Variants in OCA2 observed in about 807,000 individuals in gnomAD.
OCA2 encodes P protein.
In OCA2, 77 loss-of-function variants were observed where a neutral mutation model predicts 100.2. The ratio of observed to expected loss-of-function variants is 0.77; its 90% confidence interval spans 0.64 to 0.93. The LOEUF (loss-of-function observed/expected upper bound fraction) is 0.93. OCA2 is among the 40% of genes least tolerant of loss of function. The probability of loss-of-function intolerance (pLI) is 0.00; values close to 1 mark genes in which losing one functional copy is unlikely to be tolerated. For missense variants in OCA2, 1,062 were observed against 1,089.1 expected (o/e 0.98, Z 0.35); for synonymous variants, 432 against 439.2 (o/e 0.98, Z 0.21).
chr15:27,772,483 G>A (rs760763956), intron 23 of OCA2, among the ~76,000 whole-genome samples: 2 of 152,122 alleles, frequency 1.3e-5, no homozygotes, highest in Non-Finnish European at 2.9e-5. Context: ...TATCTTCCTG[G>A]CTTAATATAT....
Position 27,802,387 on chromosome 15 carries a change from T to C in OCA2, c.2432+42572A>G, listed in dbSNP as rs551653327. Reference sequence around the variant, plus strand: ...CTAATTCTCCCCCTCTCTCTATTTGTTCTATAGATTCAAAGAAATCCCAAT... The same window carrying C: ...CTAATTCTCCCCCTCTCTCTATTTGCTCTATAGATTCAAAGAAATCCCAAT... On this transcript the variant is annotated intron_variant, in intron 23 of 23. Coordinates refer to ENST00000354638, the MANE Select transcript of OCA2 (RefSeq NM_000275.3). 6.6e-5 allele frequency among the ~76,000 whole-genome samples: 10 copies of C among 152,256 alleles called. No homozygotes were observed. In the East Asian group the frequency reaches 1.9e-3, roughly 29 times the overall value.
At chr15:27,899,519 C>A (rs1415530565) in intron 19 of OCA2, among the ~76,000 whole-genome samples, 2 of 152,170 alleles carry the variant, frequency 1.3e-5, no homozygotes, top group Non-Finnish European at 2.9e-5. Context: ...TAAGGATTTC[C>A]TTTTCTTTCT....
At chr15:27,945,000 G>A (rs945041843) in intron 18 of OCA2, among the ~76,000 whole-genome samples, 3 of 152,268 alleles carry the variant, frequency 2.0e-5, no homozygotes, top group Admixed American at 2.0e-4. Flanking sequence ...GGAGAGCAGC[G>A]ATATGGTTTT....
chr15:27,749,190 TA>T, the OCA2 span, among the ~76,000 whole-genome samples: 2 of 151,852 alleles, frequency 1.3e-5, no homozygotes, highest in Admixed American at 1.3e-4. Context: ...TGAAATTAAA[TA>T]AAAAAAAGAA....
In OCA2 at chr15:27,770,243, C is replaced by T. The variant is rs1209346554; in HGVS notation, c.2433-14771G>A. On this transcript the variant is annotated intron_variant, in intron 23 of 23. Coordinates refer to ENST00000354638, the MANE Select transcript of OCA2 (RefSeq NM_000275.3). ...AGGGAAGGGGCGTTCAGGGCGGGGGCTCCGCGGGGTCCGCAGGCCTCCTGG... is the reference window on the plus strand; with the variant it reads ...AGGGAAGGGGCGTTCAGGGCGGGGGTTCCGCGGGGTCCGCAGGCCTCCTGG... Among the ~76,000 whole-genome samples the T allele has an allele frequency of 2.0e-5, 3 of 152,190 alleles. No individual in the cohort carries two copies. In the East Asian group the frequency reaches 5.8e-4, roughly 29 times the overall value.
At chr15:27,812,104 G>A (rs563463727) in intron 23 of OCA2, among the ~76,000 whole-genome samples, 10 of 152,156 alleles carry the variant, frequency 6.6e-5, no homozygotes, top group Non-Finnish European at 1.3e-4. Context: ...ACTCTGTACC[G>A]ATAATGAAGT....
intron 21 of OCA2, among the ~76,000 whole-genome samples, chr15:27,859,672 G>C (rs777289977): frequency 6.6e-6 from 1 of 152,130 alleles, no homozygotes; most frequent in Non-Finnish European, 1.5e-5. Flanking sequence ...CTCATTCCAT[G>C]AGGCCAGCAT....
the OCA2 span, among the ~76,000 whole-genome samples, chr15:27,740,230 G>A: frequency 1.3e-5 from 2 of 152,200 alleles, no homozygotes; most frequent in Admixed American, 1.3e-4. Context: ...TCTGAGATCT[G>A]TGACCAGCCC....
chr15:27,870,671 GGAAGGAAGGAAA>G (rs1376229955), intron 21 of OCA2, among the ~76,000 whole-genome samples: 1,412 of 17,684 alleles, frequency 0.08, 20 homozygotes, highest in Middle Eastern at 0.31. Context: ...TCGAAAGGAA[GGAAGGAAGGAAA>G]GAAGGAAGGA....
intron 23 of OCA2, among the ~76,000 whole-genome samples, chr15:27,831,112 C>T (rs368831238): frequency 1.3e-5 from 2 of 151,880 alleles, no homozygotes; most frequent in African/African-American, 4.8e-5. Context: ...ACGGTGAAAA[C>T]TCATCTCTAC....
At chr15:27,811,886 C>T (rs548014788) in intron 23 of OCA2, among the ~76,000 whole-genome samples, 238 of 152,304 alleles carry the variant, frequency 1.6e-3, no homozygotes, top group Non-Finnish European at 2.8e-3. Context: ...GGCCCCTGTT[C>T]GCAAGCCCAG....
At position 27,966,684 on chromosome 15, in the gene OCA2, A is replaced by G; in HGVS notation, c.1636+6T>C. On this transcript the variant is annotated splice_donor_region_variant and intron_variant, in intron 15 of 23. Transcript: ENST00000354638. ...TGAGCCTACATGAGGTTGCACTTGT[A>G]CTCACCAACAATCTCACTGGGTTCC... 6.2e-7 allele frequency: 1 copy of G among 1,613,908 alleles called. No homozygotes were observed. The highest frequency in any genetic ancestry group is 1.7e-4 in the Middle Eastern group (1 of 5,926).
chr15:28,019,105 C>A (rs1245909555), intron 6 of OCA2, among the ~76,000 whole-genome samples: 1 of 152,102 alleles, frequency 6.6e-6, no homozygotes, highest in African/African-American at 2.4e-5. Context: ...ACAGTGTTTT[C>A]TCCTCCCCTC....
rs1184358689 is a variant in OCA2 at position 28,027,986 on chromosome 15, AGTCAGCAGAGCT to A, written c.388_399del (p.Ser130_Asp133del). Reference sequence around the variant, plus strand: ...CTGCTTAGCAGGTATCTTCGCTCCCAGTCAGCAGAGCTGTCTTCCCAAGACTCTTCAGCAGTG... The same window carrying A: ...CTGCTTAGCAGGTATCTTCGCTCCCAGTCTTCCCAAGACTCTTCAGCAGTG... On this transcript the variant is annotated inframe_deletion, in exon 4 of 24. Coordinates refer to ENST00000354638, the MANE Select transcript of OCA2 (RefSeq NM_000275.3). 1 of 1,614,220 alleles carries A rather than the reference AGTCAGCAGAGCT, an allele frequency of 6.2e-7. No individual in the cohort carries two copies. The highest frequency in any genetic ancestry group is 1.1e-5 in the South Asian group (1 of 91,082).
At chr15:27,883,478 A>T (rs1296231214) in intron 19 of OCA2, among the ~76,000 whole-genome samples, 2 of 152,232 alleles carry the variant, frequency 1.3e-5, no homozygotes, top group Non-Finnish European at 2.9e-5. Context: ...CTAAAATTTT[A>T]AAATAAATTA....
chr15:28,077,801 G>T (rs2141859144), intron 2 of OCA2, among the ~76,000 whole-genome samples: 1 of 152,334 alleles, frequency 6.6e-6, no homozygotes, highest in East Asian at 1.9e-4. Context: ...GCTGAATTGG[G>T]CCAGAAGCGG....
intron 2 of OCA2, among the ~76,000 whole-genome samples, chr15:28,070,450 G>GC (rs1181157593): frequency 3.3e-5 from 4 of 121,820 alleles, no homozygotes; most frequent in Admixed American, 7.5e-5. Context: ...GGGGGGGTCA[G>GC]CCCCCCCACC....
chr15:27,823,666 G>A (rs1051432390), intron 23 of OCA2, among the ~76,000 whole-genome samples: 15 of 152,108 alleles, frequency 9.9e-5, no homozygotes, highest in African/African-American at 3.6e-4. Context: ...AAATGGTACT[G>A]AGAAACAACT....
At chr15:27,955,347 G>C (rs2040186395) in intron 16 of OCA2, 132 bp from the exon 17 acceptor site, 6 of 751,984 alleles carry the variant, frequency 8.0e-6, no homozygotes, top group Non-Finnish European at 1.4e-5. Context: ...GACTAGTCAT[G>C]GGGGGCCGGT....
Sources: gnomAD v4.1 joint callset for allele counts (sites outside exome capture counted in the v4.1 genomes callset) on GRCh38, gnomAD v4.1.1 for gene constraint, MANE v1.5 for transcripts, NCBI Gene and HGNC (gene_info 2026-07-23, HGNC 2026-07-21) for gene names.